TMEM266: variants seen among roughly 807,000 people sequenced by gnomAD.
The protein encoded by TMEM266 is Hv1 related protein 1.
In TMEM266, 33 loss-of-function variants were observed where a neutral mutation model predicts 50.5. That is an observed-to-expected ratio of 0.65 (90% CI 0.50 to 0.87). The LOEUF (loss-of-function observed/expected upper bound fraction) is 0.87, where lower values mean the gene tolerates loss of function less well. TMEM266 is among the 40% of genes least tolerant of loss of function. The probability of loss-of-function intolerance (pLI) is 0.00; values close to 1 mark genes in which losing one functional copy is unlikely to be tolerated. For synonymous variants in TMEM266, 310 were observed against 292.3 expected (o/e 1.06, Z -0.62); for missense variants, 655 against 695.1 (o/e 0.94, Z 0.65).
chr15:76,065,892 C>A (rs557876966), intron 1 of TMEM266, among the ~76,000 whole-genome samples: 1 of 152,190 alleles, frequency 6.6e-6, no homozygotes, highest in East Asian at 1.9e-4. Flanking sequence ...CCCGCGCACT[C>A]CCCACTCAAC....
intron 2 of TMEM266, among the ~76,000 whole-genome samples, chr15:76,134,921 T>C (rs996155100): frequency 5.3e-5 from 8 of 152,242 alleles, no homozygotes; most frequent in Non-Finnish European, 7.3e-5. Context: ...CTTTTAAATG[T>C]GGGTGATAGC....
At chr15:76,107,571 C>T (rs2037103026) in intron 1 of TMEM266, among the ~76,000 whole-genome samples, 1 of 152,114 alleles carries the variant, frequency 6.6e-6, no homozygotes, top group South Asian at 2.1e-4. Flanking sequence ...AGATTTGAAC[C>T]CAACTCTGAG....
intron 1 of TMEM266, among the ~76,000 whole-genome samples, chr15:76,129,508 G>A (rs2037472349): frequency 6.6e-6 from 1 of 152,082 alleles, no homozygotes; most frequent in Non-Finnish European, 1.5e-5. Flanking sequence ...GGGCGTGGTG[G>A]TACATGCCTG....
chr15:76,094,765 A>G (rs970128532), intron 1 of TMEM266, among the ~76,000 whole-genome samples: 3 of 152,030 alleles, frequency 2.0e-5, no homozygotes, highest in Non-Finnish European at 2.9e-5. Context: ...ATGTTTTTCC[A>G]TTTGTTTTTG....
At chr15:76,086,183 T>C (rs947777476) in intron 1 of TMEM266, among the ~76,000 whole-genome samples, 5 of 152,176 alleles carry the variant, frequency 3.3e-5, no homozygotes, top group African/African-American at 1.2e-4. Flanking sequence ...TGGATACTAC[T>C]CAGCAGCATA....
chr15:76,089,314 T>C (rs985851010), intron 1 of TMEM266, among the ~76,000 whole-genome samples: 105 of 151,800 alleles, frequency 6.9e-4, no homozygotes, highest in African/African-American at 2.4e-3. Flanking sequence ...TGCCTCAGCC[T>C]TTCAAGTAGC....
At chr15:76,092,710 A>G (rs1263131839) in intron 1 of TMEM266, among the ~76,000 whole-genome samples, 2 of 151,704 alleles carry the variant, frequency 1.3e-5, no homozygotes, top group Admixed American at 6.6e-5. Flanking sequence ...AATAAATAAT[A>G]TAGCTAATAG....
At chr15:76,190,681 G>T (rs1304523441) in intron 8 of TMEM266, among the ~76,000 whole-genome samples, 1 of 152,198 alleles carries the variant, frequency 6.6e-6, no homozygotes, top group Non-Finnish European at 1.5e-5. Flanking sequence ...TTGAGGAACA[G>T]GTTTGGAGAG....
At chr15:76,109,867 C>G (rs1321037480) in intron 1 of TMEM266, among the ~76,000 whole-genome samples, 6 of 151,942 alleles carry the variant, frequency 3.9e-5, no homozygotes, top group Non-Finnish European at 7.4e-5. Context: ...ACTGTTTTAC[C>G]CAGGCTGGTC....
intron 3 of TMEM266, among the ~76,000 whole-genome samples, chr15:76,140,936 C>T (rs898648826): frequency 6.6e-6 from 1 of 152,010 alleles, no homozygotes; most frequent in African/African-American, 2.4e-5. Context: ...GCTTCAGAGG[C>T]TGAAGTGGGA....
At position 76,111,371 on chromosome 15, in the gene TMEM266, C is replaced by T. The variant is rs534708419; in HGVS notation, c.-96-22797C>T. 1.6e-4 allele frequency among the ~76,000 whole-genome samples: 25 copies of T among 152,106 alleles called. No individual in the cohort carries two copies. In the South Asian group the frequency reaches 3.1e-3, roughly 19 times the overall value. On this transcript the variant is annotated intron_variant, in intron 1 of 10. Coordinates refer to ENST00000388942, the MANE Select transcript of TMEM266 (RefSeq NM_152335.3). ...GATTACAGGCATGAGCCACTGTACC[C>T]GGCCCAGCCATATACTCTTGTGTCT...
chr15:76,136,569 C>T (rs1437799810), intron 2 of TMEM266, among the ~76,000 whole-genome samples: 3 of 152,260 alleles, frequency 2.0e-5, no homozygotes, highest in Non-Finnish European at 4.4e-5. Flanking sequence ...TGGGCACTGA[C>T]CCTCAATGTT....
chr15:76,170,130 T>C (rs998410345), intron 6 of TMEM266, among the ~76,000 whole-genome samples: 9 of 143,546 alleles, frequency 6.3e-5, no homozygotes, highest in African/African-American at 2.2e-4. Context: ...TTTTACAATT[T>C]GAATCAATTT....
At chr15:76,177,934 A>G (rs142881174) in intron 8 of TMEM266, among the ~76,000 whole-genome samples, 14 of 152,244 alleles carry the variant, frequency 9.2e-5, no homozygotes, top group African/African-American at 2.7e-4. Flanking sequence ...TCTGCAGGCC[A>G]GGATGGGGAA....
intron 1 of TMEM266, among the ~76,000 whole-genome samples, chr15:76,103,552 C>G (rs779814391): frequency 1.3e-5 from 2 of 152,170 alleles, no homozygotes; most frequent in Non-Finnish European, 2.9e-5. Flanking sequence ...GACTAGACAT[C>G]TAAGTGGAGA....
chr15:76,120,913 T>C (rs1442822909), intron 1 of TMEM266, among the ~76,000 whole-genome samples: 3 of 152,012 alleles, frequency 2.0e-5, no homozygotes, highest in Non-Finnish European at 4.4e-5. Flanking sequence ...CACTAAAACA[T>C]GAATTTCATG....
intron 1 of TMEM266, among the ~76,000 whole-genome samples, chr15:76,076,195 T>G (rs77766789): frequency 0.022 from 3,349 of 152,052 alleles, 158 homozygotes; most frequent in African/African-American, 0.077. Flanking sequence ...CGTTCCATCC[T>G]GAAGATCTGT....
chr15:76,182,257 A>T (rs1008941148), intron 8 of TMEM266, among the ~76,000 whole-genome samples: 3 of 152,046 alleles, frequency 2.0e-5, no homozygotes, highest in Non-Finnish European at 4.4e-5. Flanking sequence ...TCATTGGGGA[A>T]ATTGGAGGTA....
At chr15:76,085,133 G>C (rs1413051286) in intron 1 of TMEM266, among the ~76,000 whole-genome samples, 1 of 144,754 alleles carries the variant, frequency 6.9e-6, no homozygotes, top group Admixed American at 6.9e-5. Context: ...CTAATTTTTT[G>C]TATTTTTAGT....
Sources: allele counts gnomAD v4.1 joint callset (sites outside exome capture counted in the v4.1 genomes callset), GRCh38; gene constraint gnomAD v4.1.1; transcripts MANE v1.5; gene names NCBI Gene and HGNC (gene_info 2026-07-23, HGNC 2026-07-21).